The following AIFM2 variants were observed in gnomAD, a reference collection of about 807,000 sequenced individuals.
AIFM2 encodes ferroptosis suppressor protein 1.
In AIFM2, 38 loss-of-function variants were observed where a neutral mutation model predicts 35.7. The observed-to-expected ratio is 1.06, with a 90% CI of 0.82 to 1.39. The LOEUF (loss-of-function observed/expected upper bound fraction) is 1.39. AIFM2 is among the 40% of genes most tolerant of loss of function. AIFM2 has a pLI of 0.00. For synonymous variants in AIFM2, 185 were observed against 203.5 expected (o/e 0.91, Z 0.77); for missense variants, 476 against 491.2 (o/e 0.97, Z 0.29).
At chr10:70,118,771 G>A (rs759331780) in intron 5 of AIFM2, among the ~76,000 whole-genome samples, 36 of 152,166 alleles carry the variant, frequency 2.4e-4, no homozygotes, top group Non-Finnish European at 5.3e-4. Context: ...CTAATATTTG[G>A]TCCTCATTGC....
rs35599207 is a variant in AIFM2 at position 70,121,223 on chromosome 10, CAAAAAAAAAAAAAAA to C, written c.295-27_295-13del. On this transcript the variant is annotated splice_polypyrimidine_tract_variant and intron_variant, in intron 3 of 8. Coordinates refer to ENST00000307864, the MANE Select transcript of AIFM2 (RefSeq NM_032797.6). ...GAGAAGGGCAGGGCCTGAGAGAAAC[CAAAAAAAAAAAAAAA>C]AAAAAAAAAAAAAAGATGAGGGTAG... 1.3e-4 allele frequency: 87 copies of C among 665,200 alleles called. No individual in the cohort carries two copies. The East Asian group carries it at 6.6e-3, about 51-fold the overall frequency. The allele number at this position is 665,200 out of a possible 1,614,324, so 41.2% of individuals were successfully genotyped here.
In AIFM2 at chr10:70,117,527, A is replaced by G. The variant is rs567210790; in HGVS notation, c.616+285T>C. On this transcript the variant is annotated intron_variant, in intron 6 of 8. Coordinates refer to ENST00000307864, the MANE Select transcript of AIFM2 (RefSeq NM_032797.6). This position sits in a 1 kb window ranked among gnomAD's most constrained non-coding sequence, Gnocchi z 4.7. ...TCATTCAGCAGACAGGCATCCCACC[A>G]TCTGCACTGCATCCAAAGCAATAAC... is the stretch of plus-strand genomic sequence containing the variant. 1.3e-5 allele frequency among the ~76,000 whole-genome samples: 2 copies of G among 152,304 alleles called. No homozygotes were observed. The highest frequency in any genetic ancestry group is 4.8e-5 in the African/African-American group (2 of 41,572).
rs544573953 is a variant in AIFM2 at position 70,131,290 on chromosome 10, G to A, written c.-14+1444C>T. ...GCCACATTCCCAGAGTGGCCGTCCC[G>A]GATAAGAAGGCCACTACAGCACGAC... is the stretch of plus-strand genomic sequence containing the variant. On this transcript the variant is annotated intron_variant, in intron 1 of 8. Coordinates refer to ENST00000307864, the MANE Select transcript of AIFM2 (RefSeq NM_032797.6). This position sits in a 1 kb window ranked among gnomAD's most constrained non-coding sequence, Gnocchi z 4.1. 7.9e-5 allele frequency among the ~76,000 whole-genome samples: 12 copies of A among 152,232 alleles called. No homozygotes were observed. Among genetic ancestry groups the A allele is most frequent in the Middle Eastern group, 3.4e-3 (1 of 294 alleles).
Position 70,131,443 on chromosome 10 carries a change from AG to A in AIFM2, c.-14+1290del, listed in dbSNP as rs2072625707. 6.6e-6 allele frequency among the ~76,000 whole-genome samples: 1 copy of A among 152,176 alleles called. No individual in the cohort carries two copies. On this transcript the variant is annotated intron_variant, in intron 1 of 8. Coordinates refer to ENST00000307864, the MANE Select transcript of AIFM2 (RefSeq NM_032797.6). This position sits in a 1 kb window ranked among gnomAD's most constrained non-coding sequence, Gnocchi z 4.1. The stretch of plus-strand genomic sequence containing the variant: ...CTACTTGAAGAACAGAACCCCCAAA[AG>A]ACCAGTTTCTGAAAAGGGACTCAAA...
intron 7 of AIFM2, among the ~76,000 whole-genome samples, chr10:70,116,030 G>A (rs1216609217): frequency 6.6e-6 from 1 of 152,070 alleles, no homozygotes; most frequent in Non-Finnish European, 1.5e-5. Flanking sequence ...GTCAGGGAAG[G>A]GCATTTGGGA....
rs901250240 is a variant in AIFM2 at position 70,123,791 on chromosome 10, G to C, written c.178+116C>G. The C allele has an allele frequency of 2.2e-5, 25 of 1,146,682 alleles. No homozygotes were observed. The African/African-American group carries it at 3.8e-4, about 17-fold the overall frequency. The allele number at this position is 1,146,682 out of a possible 1,614,324, so 71.0% of individuals were successfully genotyped here. ...GAGCTTCTCCAGAACTTGTCTGACAGTGGAATGCAGGCACTTGGCCCTAAA... is the reference window on the plus strand; with the variant it reads ...GAGCTTCTCCAGAACTTGTCTGACACTGGAATGCAGGCACTTGGCCCTAAA... On this transcript the variant is annotated intron_variant, in intron 2 of 8. Transcript: ENST00000307864.
intron 8 of AIFM2, 80 bp from the exon 9 acceptor site, chr10:70,114,409 G>A (rs564087452): frequency 3.3e-5 from 51 of 1,555,294 alleles, no homozygotes; most frequent in South Asian, 2.5e-4. Flanking sequence ...GATCCTTCCC[G>A]AGGCCTTCAG....
In AIFM2 at chr10:70,121,134, G is replaced by T; in HGVS notation, c.372C>A (p.Ser124Arg). Reference sequence around the variant, plus strand: ...CATAGGCCTGGATAGCGGCCTGCTGGCTGGAAACCTCATTAAACTTGCCCG... The same window carrying T: ...CATAGGCCTGGATAGCGGCCTGCTGTCTGGAAACCTCATTAAACTTGCCCG... ...PFPGKFNEVSSQQAAIQAYED... is the reference protein window; with the variant it reads ...PFPGKFNEVSRQQAAIQAYED... The change falls in exon 4 of 9, where the codon AGC becomes AGA. Residue 124 changes from serine to arginine, a missense_variant. Physicochemically the swap from Ser to Arg is moderately radical, Grantham distance 110 (BLOSUM62 -1). Coordinates refer to ENST00000307864, the MANE Select transcript of AIFM2 (RefSeq NM_032797.6). The T allele has an allele frequency of 6.2e-7, 1 of 1,612,552 alleles. No individual in the cohort carries two copies.
rs2072640622 is a variant in AIFM2, at chr10:70,132,740, GC to G, written c.-21del. ...CCTGGCGGCGCGATCTCACCTGTCG[GC>G]CGCGCCCGCGCGCTCTCGCTCCGGC... is the stretch of plus-strand genomic sequence containing the variant. On this transcript the variant is annotated 5_prime_UTR_variant, in exon 1 of 9. Transcript: ENST00000307864. 1 of 151,666 alleles carries G rather than the reference GC, an allele frequency of 6.6e-6. No homozygotes were observed. 9.4% of individuals were successfully genotyped at this position (151,666 alleles called of 1,614,324 possible). A position where few individuals can be genotyped will look rare whatever the true frequency, so the allele number is the denominator to read the frequency against.
intron 5 of AIFM2, among the ~76,000 whole-genome samples, chr10:70,119,953 C>T (rs1401165798): frequency 1.3e-5 from 2 of 152,368 alleles, no homozygotes; most frequent in Middle Eastern, 3.4e-3. Flanking sequence ...CCCGTTCCCA[C>T]CCATGGGCAG....
intron 1 of AIFM2, among the ~76,000 whole-genome samples, chr10:70,129,891 A>G (rs573249380): frequency 3.3e-5 from 5 of 150,308 alleles, no homozygotes; most frequent in African/African-American, 9.7e-5. Flanking sequence ...CCATCTTTTA[A>G]AAAAAAAAAA....
At chr10:70,130,914 C>T (rs2072620068) in intron 1 of AIFM2, among the ~76,000 whole-genome samples, 1 of 152,102 alleles carries the variant, frequency 6.6e-6, no homozygotes. Flanking sequence ...CTCCCTGCCA[C>T]AACACACATA....
At chr10:70,129,556 T>C (rs933607004) in intron 1 of AIFM2, among the ~76,000 whole-genome samples, 6 of 152,140 alleles carry the variant, frequency 3.9e-5, no homozygotes, top group Non-Finnish European at 8.8e-5. Flanking sequence ...ATTTAAGGTA[T>C]GAGTTTTTTC....
intron 3 of AIFM2, 39 bp from the exon 4 acceptor site, chr10:70,121,250 A>G: frequency 2.7e-6 from 4 of 1,491,254 alleles, no homozygotes; most frequent in Non-Finnish European, 1.8e-6. Context: ...AAAAAAAAAA[A>G]AAGATGAGGG....
rs1193347350 is a variant in AIFM2 at position 70,132,063 on chromosome 10, G to A, written c.-14+671C>T. Among the ~76,000 whole-genome samples the A allele has an allele frequency of 2.6e-5, 4 of 152,180 alleles. 1 individual carries two copies. In the South Asian group the frequency reaches 8.3e-4, roughly 31 times the overall value. On this transcript the variant is annotated intron_variant, in intron 1 of 8. Coordinates refer to ENST00000307864, the MANE Select transcript of AIFM2 (RefSeq NM_032797.6). Reference sequence around the variant, plus strand: ...GGGTCAAAAAGACTCTCCTTGTAGGGAAAGGTAGGGTGTGTTGATCAGGTG... The same window carrying A: ...GGGTCAAAAAGACTCTCCTTGTAGGAAAAGGTAGGGTGTGTTGATCAGGTG...
At chr10:70,120,460 A>G in intron 5 of AIFM2, 47 bp downstream of exon 5, 2 of 1,601,634 alleles carry the variant, frequency 1.2e-6, no homozygotes, top group Non-Finnish European at 8.6e-7. Context: ...GATAATGCAG[A>G]AAAAAGCCAA....
At chr10:70,132,572 G>C (rs2136672663) in intron 1 of AIFM2, among the ~76,000 whole-genome samples, 162 bp downstream of exon 1, 1 of 152,300 alleles carries the variant, frequency 6.6e-6, no homozygotes, top group South Asian at 2.1e-4. Context: ...GCGGGCCTGA[G>C]TCGAGTATCC....
chr10:70,118,252 G>A (rs993804692), intron 5 of AIFM2: 9 of 230,804 alleles, frequency 3.9e-5, no homozygotes, highest in Non-Finnish European at 7.5e-5. Context: ...CAAGCCATGG[G>A]CATTCCAACA....
intron 6 of AIFM2, 66 bp from the exon 7 acceptor site, chr10:70,116,840 C>G: frequency 6.3e-7 from 1 of 1,589,826 alleles, no homozygotes; most frequent in Non-Finnish European, 8.6e-7. Context: ...GGACCCCAGG[C>G]CAAGGCTAAC....
Sources: gnomAD v4.1 joint callset for allele counts (sites outside exome capture counted in the v4.1 genomes callset) on GRCh38, gnomAD v4.1.1 for gene constraint, Gnocchi (gnomAD v3.1) non-coding constraint, MANE v1.5 for transcripts, NCBI Gene and HGNC (gene_info 2026-07-23, HGNC 2026-07-21) for gene names.